Variants in PSG9 observed in about 807,000 individuals in gnomAD.
The protein encoded by PSG9 is pregnancy specific beta-1-glycoprotein 9.
PSG9 carries 49 observed loss-of-function variants against 41.9 expected under a neutral mutation model. The ratio of observed to expected loss-of-function variants is 1.17; its 90% CI spans 0.93 to 1.48. The LOEUF (loss-of-function observed/expected upper bound fraction) is 1.48. PSG9 is among the 40% of genes most tolerant of loss of function. PSG9 has a pLI of 0.00. For synonymous variants in PSG9, 263 were observed against 196.8 expected, an observed-to-expected ratio of 1.34 and a Z score of -2.82; for missense variants, 641 against 520.3, an observed-to-expected ratio of 1.23 and a Z score of -2.26.
chr19:43,257,546 G>T lies in PSG9; in HGVS notation c.1243+656C>A, dbSNP rs557804668. The T allele has an allele frequency of 1.1e-5, 11 of 980,962 alleles. 1 individual carries two copies. Among genetic ancestry groups the T allele is most frequent in the Admixed American group, 6.0e-5 (1 of 16,540 alleles). The allele number at this position is 980,962 out of a possible 1,614,324, so 60.8% of individuals were successfully genotyped here. A position where few individuals can be genotyped will look rare whatever the true frequency, so the allele number is the denominator to read the frequency against. On this transcript the variant is annotated intron_variant, in intron 5 of 5. Transcript: ENST00000270077. The stretch of plus-strand genomic sequence containing the variant: ...GAGCCAGGACGCAGCTCAGGAGTCT[G>T]CCCTGAGGCTCCCTCTCTTCTTATT...
At chr19:43,253,684 T>C (rs758252248) in intron 5 of PSG9, 38 bp from the exon 6 acceptor site, 1 of 1,211,480 alleles carries the variant, frequency 8.3e-7, no homozygotes, top group South Asian at 1.3e-5. Flanking sequence ...CATTTCAAAT[T>C]CACTACCTCC....
chr19:43,259,077 A>G lies in PSG9; in HGVS notation c.768T>C (p.Asp256=). Residue 256 remains aspartate, a synonymous_variant, in exon 4 of 6, where the codon GAT becomes GAC. Coordinates refer to ENST00000270077, the MANE Select transcript of PSG9 (RefSeq NM_002784.5). ...TAGGTTCACAGGTGAAGGCTAAGAC[A>G]TCCTTATTCTCCCTGGGGTTTAAGT... is the stretch of plus-strand genomic sequence containing the variant. ...INNLNPRENK[D]VLAFTCEPKS... 2 of 1,590,712 alleles carry G rather than the reference A, an allele frequency of 1.3e-6. No individual in the cohort carries two copies. The highest frequency in any genetic ancestry group is 1.7e-6 in the Non-Finnish European group (2 of 1,174,482).
intron 5 of PSG9, among the ~76,000 whole-genome samples, chr19:43,255,740 A>T (rs1187392086): frequency 6.8e-6 from 1 of 146,888 alleles, no homozygotes; most frequent in Non-Finnish European, 1.5e-5. Flanking sequence ...ATTAAGAAAA[A>T]AATTTCAATT....
chr19:43,257,975 C>A (rs776979400), intron 5 of PSG9: 1 of 1,464,410 alleles, frequency 6.8e-7, no homozygotes, highest in Admixed American at 2.6e-5. Flanking sequence ...GATAAAGCCC[C>A]CTCCCTACCT....
rs1411182494 is a variant in PSG9, at chr19:43,258,980, G to A, written c.865C>T (p.Pro289Ser). Residue 289 changes from proline to serine, a missense_variant, in exon 4 of 6, where the codon CCC becomes TCC. Coordinates refer to ENST00000270077, the MANE Select transcript of PSG9 (RefSeq NM_002784.5). Reference protein sequence around the residue: ...SLPVSPGVKRPIENRILILPS... With the variant: ...SLPVSPGVKRSIENRILILPS... ...AGAATGAGTATCCTGTTTTCAATGG[G>A]TCGCTTTACCCCGGGACTGACGGGG... The A allele has an allele frequency of 3.8e-6, 6 of 1,590,496 alleles. 1 individual carries two copies. The African/African-American group carries it at 5.7e-5, about 15-fold the overall frequency.
rs369809603 is a variant in PSG9 at position 43,258,482 on chromosome 19, C to T, written c.989-26G>A. 29 of 1,536,560 alleles carry T rather than the reference C, an allele frequency of 1.9e-5. 2 individuals carry two copies. Among genetic ancestry groups the T allele is most frequent in the South Asian group, 8.9e-5 (7 of 79,010 alleles). On this transcript the variant is annotated intron_variant, in intron 4 of 5. Coordinates refer to ENST00000270077, the MANE Select transcript of PSG9 (RefSeq NM_002784.5). ...CTGGAGGAAAGAGAATAAAGCCACACGTGATGTCATTCGAGGGAAGGGGAT... is the reference window on the plus strand; with the variant it reads ...CTGGAGGAAAGAGAATAAAGCCACATGTGATGTCATTCGAGGGAAGGGGAT...
In PSG9 at chr19:43,259,045, T is replaced by C. The variant is rs1189561695; in HGVS notation, c.800A>G (p.Glu267Gly). The C allele has an allele frequency of 2.5e-6, 4 of 1,590,988 alleles. No homozygotes were observed. Among genetic ancestry groups the C allele is most frequent in the South Asian group, 1.1e-5 (1 of 89,868 alleles). ...TAGCCACCAAATGTAGGTGTAGTTCTCACTCTTAGGTTCACAGGTGAAGGC... is the reference window on the plus strand; with the variant it reads ...TAGCCACCAAATGTAGGTGTAGTTCCCACTCTTAGGTTCACAGGTGAAGGC... ...VLAFTCEPKS[E>G]NYTYIWWLNG... The change falls in exon 4 of 6, where the codon GAG becomes GGG. Residue 267 changes from glutamate to glycine, a missense_variant. Glu to Gly is a moderately conservative substitution (Grantham distance 98, BLOSUM62 -2). Coordinates refer to ENST00000270077, the MANE Select transcript of PSG9 (RefSeq NM_002784.5).
At chr19:43,262,288 T>C (rs569700465) in intron 2 of PSG9, 150 bp from the exon 3 acceptor site, 4 of 1,449,640 alleles carry the variant, frequency 2.8e-6, no homozygotes, top group Admixed American at 2.3e-5. Context: ...GACAGATGCA[T>C]GGCAATCTGA....
intron 5 of PSG9, chr19:43,257,937 C>T (rs1164649103): frequency 4.9e-6 from 7 of 1,420,610 alleles, no homozygotes; most frequent in Non-Finnish European, 5.5e-6. Flanking sequence ...CTCTCTGAAG[C>T]CTCTTCTACC....
At chr19:43,265,610 A>T (rs1357311902) in intron 2 of PSG9, among the ~76,000 whole-genome samples, 1 of 152,076 alleles carries the variant, frequency 6.6e-6, no homozygotes, top group Non-Finnish European at 1.5e-5. Flanking sequence ...TCCACTGGGG[A>T]GGCTGATTTG....
chr19:43,257,674 C>T (rs1968496716), intron 5 of PSG9: 1 of 1,078,292 alleles, frequency 9.3e-7, no homozygotes, highest in Non-Finnish European at 1.1e-6. Context: ...ACGCTAGTCC[C>T]ACCCCAGGTT....
intron 1 of PSG9, 58 bp downstream of exon 1, chr19:43,269,310 C>A (rs8100909): frequency 0.082 from 132,587 of 1,610,624 alleles, 9,200 homozygotes; most frequent in East Asian, 0.39. Flanking sequence ...CTCCAGGAGA[C>A]CCCATCCAGT....
chr19:43,267,450 C>T (rs1045867468), intron 2 of PSG9, among the ~76,000 whole-genome samples: 2 of 152,124 alleles, frequency 1.3e-5, no homozygotes, highest in African/African-American at 4.8e-5. Context: ...CCCCTCAAGC[C>T]AAGCCCTACT....
At chr19:43,262,701 T>G (rs1968783854) in intron 2 of PSG9, among the ~76,000 whole-genome samples, 1 of 152,140 alleles carries the variant, frequency 6.6e-6, no homozygotes, top group Non-Finnish European at 1.5e-5. Context: ...AGTTAAGACA[T>G]CAGGCAGTGG....
At chr19:43,261,504 A>C (rs1391419287) in intron 3 of PSG9, among the ~76,000 whole-genome samples, 1 of 152,116 alleles carries the variant, frequency 6.6e-6, no homozygotes. Flanking sequence ...TGTCAGAGGG[A>C]AGGGAAAATC....
At chr19:43,264,881 C>A (rs1968895124) in intron 2 of PSG9, among the ~76,000 whole-genome samples, 2 of 152,116 alleles carry the variant, frequency 1.3e-5, no homozygotes, top group Admixed American at 6.5e-5. Context: ...TAGGAAGTGA[C>A]CAGAGAATGT....
chr19:43,259,318 C>G lies in PSG9; in HGVS notation c.710-183G>C, dbSNP rs1014737236. 37 of 1,173,880 alleles carry G rather than the reference C, an allele frequency of 3.2e-5. 3 individuals carry two copies. Among genetic ancestry groups the G allele is most frequent in the Admixed American group, 8.4e-5 (3 of 35,884 alleles). The allele number at this position is 1,173,880 out of a possible 1,614,324, so 72.7% of individuals were successfully genotyped here. On this transcript the variant is annotated intron_variant, in intron 3 of 5. Transcript: ENST00000270077. ...TAAGGGCTCAAAGACTGTGAGGCCG[C>G]CTGCTCTGTCTTAGGGAAGCACAGA...
At chr19:43,256,936 A>G (rs1472938852) in intron 5 of PSG9, among the ~76,000 whole-genome samples, 1 of 146,996 alleles carries the variant, frequency 6.8e-6, no homozygotes, top group Admixed American at 6.8e-5. Flanking sequence ...CTAGCGAAAA[A>G]ATGGAAACAA....
chr19:43,260,477 C>T (rs1376650924), intron 3 of PSG9: 7 of 148,454 alleles, frequency 4.7e-5, no homozygotes, highest in African/African-American at 1.3e-4. Context: ...AGGTGATAAG[C>T]CAAAGATATT....
Sources: allele counts gnomAD v4.1 joint callset (sites outside exome capture counted in the v4.1 genomes callset), GRCh38; gene constraint gnomAD v4.1.1; transcripts MANE v1.5; gene names NCBI Gene and HGNC (gene_info 2026-07-23, HGNC 2026-07-21).